The following PLPP3 variants were observed in gnomAD, a reference collection of about 807,000 sequenced individuals.
PLPP3 encodes the protein phospholipid phosphatase 3, also known as PAP2 beta.
In PLPP3, 6 loss-of-function variants were observed where a neutral mutation model predicts 29.6. The ratio of observed to expected loss-of-function variants is 0.20; its 90% CI spans 0.11 to 0.40. PLPP3 has a LOEUF of 0.40. Ranked by LOEUF, PLPP3 falls within the 10% of genes least tolerant of loss-of-function variation. The probability of loss-of-function intolerance (pLI) is 1.00; values close to 1 mark genes in which losing one functional copy is unlikely to be tolerated. For synonymous variants in PLPP3, 152 were observed against 159.7 expected, an observed-to-expected ratio of 0.95 and a Z score of 0.36; for missense variants, 308 against 407.7, an observed-to-expected ratio of 0.76 and a Z score of 2.11.
chr1:56,563,736 G>C (rs1193596480), intron 1 of PLPP3, among the ~76,000 whole-genome samples: 4 of 152,180 alleles, frequency 2.6e-5, no homozygotes, highest in Non-Finnish European at 2.9e-5. Flanking sequence ...AGACATTGCT[G>C]ACCAAGTTCT....
rs1281062866 is a variant in PLPP3 at position 56,496,405 on chromosome 1, C to T, written c.*146G>A. The stretch of plus-strand genomic sequence containing the variant: ...AAACACTACCTATTTTGGAAGGCCA[C>T]ATAGTAAAACATTTTTTTTTTCCTT... On this transcript the variant is annotated 3_prime_UTR_variant, in exon 6 of 6. Transcript: ENST00000371250. The T allele has an allele frequency of 4.9e-6, 5 of 1,010,640 alleles. No individual in the cohort carries two copies. The highest frequency in any genetic ancestry group is 2.8e-6 in the Non-Finnish European group (2 of 707,138). 62.6% of individuals were successfully genotyped at this position (1,010,640 alleles called of 1,614,324 possible).
At chr1:56,557,012 G>GAAGGAAAGAAAGAA (rs60511169) in intron 1 of PLPP3, among the ~76,000 whole-genome samples, 1 of 9,106 alleles carries the variant, frequency 1.1e-4, no homozygotes, top group Admixed American at 1.4e-3. Context: ...GAAAGAAAGA[G>GAAGGAAAGAAAGAA]AGAGAGAGAG....
At chr1:56,547,230 T>C (rs746579492) in intron 1 of PLPP3, among the ~76,000 whole-genome samples, 1 of 152,236 alleles carries the variant, frequency 6.6e-6, no homozygotes, top group Middle Eastern at 3.2e-3. Context: ...AAAGGGTTCA[T>C]GTTATTTATC....
chr1:56,554,210 G>A (rs1646058523), intron 1 of PLPP3, among the ~76,000 whole-genome samples: 1 of 152,018 alleles, frequency 6.6e-6, no homozygotes, highest in South Asian at 2.1e-4. Flanking sequence ...TAAGCAGGCT[G>A]CTAACCTCTC....
chr1:56,524,190 TA>T lies in PLPP3; in HGVS notation c.575+86del. The T allele has an allele frequency of 6.6e-7, 1 of 1,511,160 alleles. No individual in the cohort carries two copies. The highest frequency in any genetic ancestry group is 9.0e-7 in the Non-Finnish European group (1 of 1,108,420). 93.6% of individuals were successfully genotyped at this position (1,511,160 alleles called of 1,614,324 possible). A position where few individuals can be genotyped will look rare whatever the true frequency, so the allele number is the denominator to read the frequency against. On this transcript the variant is annotated intron_variant, in intron 3 of 5. Transcript: ENST00000371250. This position sits in a 1 kb window ranked among gnomAD's most constrained non-coding sequence, Gnocchi z 4.3. ...AGGAACTATGCCTTATTCACCCATC[TA>T]AACCAGGGCCCAGCTAGTAAGTGCT...
Position 56,524,434 on chromosome 1 carries a change from T to A in PLPP3, c.418A>T (p.Ser140Cys). 6.2e-7 allele frequency: 1 copy of A among 1,614,132 alleles called. No homozygotes were observed. The highest frequency in any genetic ancestry group is 8.5e-7 in the Non-Finnish European group (1 of 1,179,962). The change falls in exon 3 of 6, where the codon AGC becomes TGC. Residue 140 changes from serine to cysteine, a missense_variant. Physicochemically the swap from Ser to Cys is moderately radical, Grantham distance 112. This residue lies in a region of PLPP3 where 232 missense variants were observed against 317.2 expected (regional missense o/e 0.73). Coordinates refer to ENST00000371250, the MANE Select transcript of PLPP3 (RefSeq NM_003713.5). The surrounding 1 kb of genome is among the most constrained non-coding windows in gnomAD (Gnocchi z 4.3). ...TTGGCAATGTCTGTGAAAGACTGGC[T>A]GATGGCACAGCCAAAGAGGAAGCAG... ...VGCFLFGCAI[S>C]QSFTDIAKVS...
chr1:56,538,793 A>G lies in PLPP3; in HGVS notation c.140-1681T>C, dbSNP rs140398827. Reference sequence around the variant, plus strand: ...CTAAAAAACATGAAGGAAAATGATCAGAAAAAGAAAGCCAAAGAGTTCAAC... The same window carrying G: ...CTAAAAAACATGAAGGAAAATGATCGGAAAAAGAAAGCCAAAGAGTTCAAC... On this transcript the variant is annotated intron_variant, in intron 1 of 5. Coordinates refer to ENST00000371250, the MANE Select transcript of PLPP3 (RefSeq NM_003713.5). 9.8e-3 allele frequency: 1,563 copies of G among 159,834 alleles called. 20 individuals carry two copies. The highest frequency in any genetic ancestry group is 0.036 in the African/African-American group (1,494 of 41,562). The allele number at this position is 159,834 out of a possible 1,614,324, so 9.9% of individuals were successfully genotyped here. A position where few individuals can be genotyped will look rare whatever the true frequency, so the allele number is the denominator to read the frequency against.
intron 1 of PLPP3, among the ~76,000 whole-genome samples, chr1:56,557,376 C>CAAAA (rs200121964): frequency 2.3e-4 from 34 of 145,626 alleles, no homozygotes; most frequent in African/African-American, 8.3e-4. Flanking sequence ...GACTCCTTCT[C>CAAAA]AAAAGAAAAA....
rs537494271 is a variant in PLPP3, at chr1:56,579,130, C to T, written c.-114G>A. ...GAGGCTGCTGCGGATAGTGGCGGGT[C>T]GGCCCCGGCTCCGGGCGCGGCGGCT... On this transcript the variant is annotated 5_prime_UTR_variant, in exon 1 of 6. Coordinates refer to ENST00000371250, the MANE Select transcript of PLPP3 (RefSeq NM_003713.5). 1.4e-6 allele frequency: 2 copies of T among 1,416,316 alleles called. No homozygotes were observed. Among genetic ancestry groups the T allele is most frequent in the African/African-American group, 1.5e-5 (1 of 66,148 alleles). The allele number at this position is 1,416,316 out of a possible 1,614,324, so 87.7% of individuals were successfully genotyped here.
At chr1:56,560,551 T>A (rs1646114240) in intron 1 of PLPP3, among the ~76,000 whole-genome samples, 1 of 152,126 alleles carries the variant, frequency 6.6e-6, no homozygotes, top group South Asian at 2.1e-4. Flanking sequence ...TGTGTTCTCA[T>A]ATGATGGAAG....
chr1:56,525,509 C>T (rs560623539), intron 2 of PLPP3, among the ~76,000 whole-genome samples: 42 of 152,242 alleles, frequency 2.8e-4, no homozygotes, highest in East Asian at 2.3e-3. Flanking sequence ...CTTTATGTCA[C>T]GAAATCCTGA....
chr1:56,572,443 T>G (rs977593260), intron 1 of PLPP3, among the ~76,000 whole-genome samples: 1 of 152,156 alleles, frequency 6.6e-6, no homozygotes, highest in African/African-American at 2.4e-5. Context: ...CGTGTCTAAA[T>G]TCTCTCCCAC....
rs1645839534 is a variant in PLPP3 at position 56,524,469 on chromosome 1, T to C, written c.383A>G (p.Lys128Arg). 1 of 1,614,070 alleles carries C rather than the reference T, an allele frequency of 6.2e-7. No individual in the cohort carries two copies. Among genetic ancestry groups the C allele is most frequent in the Non-Finnish European group, 8.5e-7 (1 of 1,179,938 alleles). ...GCCAAAGAGGAAGCAGCCCACTTGCTTATAGAGTGCTGCCACGTAGGGGTT... is the reference window on the plus strand; with the variant it reads ...GCCAAAGAGGAAGCAGCCCACTTGCCTATAGAGTGCTGCCACGTAGGGGTT... ...IQNPYVAALY[K>R]QVGCFLFGCA... is the part of the protein sequence containing the mutation. Residue 128 changes from lysine to arginine, a missense_variant, in exon 3 of 6, where the codon AAG (lysine) becomes AGG (arginine). This residue lies in a region of PLPP3 where 232 missense variants were observed against 317.2 expected (regional missense o/e 0.73). Coordinates refer to ENST00000371250, the MANE Select transcript of PLPP3 (RefSeq NM_003713.5). The surrounding 1 kb of genome is among the most constrained non-coding windows in gnomAD (Gnocchi z 4.3).
At chr1:56,568,807 A>T (rs901635479) in intron 1 of PLPP3, among the ~76,000 whole-genome samples, 3 of 151,882 alleles carry the variant, frequency 2.0e-5, no homozygotes, top group Non-Finnish European at 4.4e-5. Context: ...TTGTATTTTT[A>T]GTAGAGATGG....
intron 1 of PLPP3, among the ~76,000 whole-genome samples, chr1:56,571,537 T>A (rs1646198816): frequency 6.6e-6 from 1 of 152,214 alleles, no homozygotes; most frequent in African/African-American, 2.4e-5. Context: ...TCGTTGATAA[T>A]GAAATCTCCA....
intron 1 of PLPP3, among the ~76,000 whole-genome samples, chr1:56,578,610 AGAC>A (rs1248849912): frequency 6.6e-6 from 1 of 152,212 alleles, no homozygotes; most frequent in African/African-American, 2.4e-5. Context: ...TCCAACGTGG[AGAC>A]GACTTTTACT....
At chr1:56,554,559 A>G (rs1156691103) in intron 1 of PLPP3, among the ~76,000 whole-genome samples, 3 of 149,664 alleles carry the variant, frequency 2.0e-5, no homozygotes, top group Admixed American at 6.7e-5. Flanking sequence ...GCGACAGAGC[A>G]AGACTCCATC....
chr1:56,552,222 TA>T (rs60245862), intron 1 of PLPP3, among the ~76,000 whole-genome samples: 27,026 of 106,438 alleles, frequency 0.25, 2,641 homozygotes, highest in East Asian at 0.35. Context: ...GAGGCACTTA[TA>T]AAAAAAAAAA....
chr1:56,554,352 T>G (rs911684115), intron 1 of PLPP3, among the ~76,000 whole-genome samples: 3 of 151,622 alleles, frequency 2.0e-5, no homozygotes, highest in African/African-American at 7.3e-5. Context: ...GCGGGTGGAT[T>G]ATGAGGTTAG....
Sources: allele counts gnomAD v4.1 joint callset (sites outside exome capture counted in the v4.1 genomes callset), GRCh38; gene constraint gnomAD v4.1.1; regional missense constraint gnomAD v4.1.1; non-coding constraint Gnocchi (gnomAD v3.1); transcripts MANE v1.5; gene names NCBI Gene and HGNC (gene_info 2026-07-23, HGNC 2026-07-21).